Variants in SNX25 observed in about 807,000 individuals in gnomAD.
The protein encoded by SNX25 is sorting nexin-25.
SNX25 carries 62 observed loss-of-function variants against 113.7 expected under a neutral mutation model. The observed-to-expected ratio is 0.55, with a 90% CI of 0.44 to 0.67. The LOEUF is 0.67. SNX25 is among the 30% of genes least tolerant of loss of function. The probability of loss-of-function intolerance (pLI) is 0.00; values close to 1 mark genes in which losing one functional copy is unlikely to be tolerated. For synonymous variants in SNX25, 421 were observed against 436.2 expected (o/e 0.97, Z 0.43); for missense variants, 1,014 against 1,161.0 (o/e 0.87, Z 1.84).
intron 11 of SNX25, 116 bp from the exon 12 acceptor site, chr4:185,341,860 A>G: frequency 9.7e-7 from 1 of 1,032,654 alleles, no homozygotes; most frequent in Non-Finnish European, 1.4e-6. Flanking sequence ...AGTTCCAGGG[A>G]TCCTGCAAGG....
intron 5 of SNX25, among the ~76,000 whole-genome samples, chr4:185,282,444 C>T (rs1419194216): frequency 6.6e-6 from 1 of 152,210 alleles, no homozygotes; most frequent in East Asian, 1.9e-4. Flanking sequence ...GCTGGGATTA[C>T]AGGCATGAGC....
intron 6 of SNX25, among the ~76,000 whole-genome samples, chr4:185,308,460 A>C (rs965728): frequency 0.028 from 4,314 of 152,268 alleles, 180 homozygotes; most frequent in African/African-American, 0.094. Context: ...GATTTGGTGG[A>C]GGGAGCGTTA....
At chr4:185,228,478 A>C (rs1741343045) in intron 1 of SNX25, among the ~76,000 whole-genome samples, 1 of 151,894 alleles carries the variant, frequency 6.6e-6, no homozygotes, top group African/African-American at 2.4e-5. Context: ...GGTAAGCGGG[A>C]GACGAAATTA....
At chr4:185,299,678 TGGTC>T (rs1753358449) in intron 6 of SNX25, among the ~76,000 whole-genome samples, 1 of 152,186 alleles carries the variant, frequency 6.6e-6, no homozygotes, top group African/African-American at 2.4e-5. Flanking sequence ...AGTTGAGAAA[TGGTC>T]TATTAAAATA....
chr4:185,350,802 C>T lies in SNX25; in HGVS notation c.2302-643C>T, dbSNP rs540376801. ...GCTGGAACCCAGGAGGCAGAAGTTGCGGTGAGCCAAGATGGCGCCACTGCA... is the reference window on the plus strand; with the variant it reads ...GCTGGAACCCAGGAGGCAGAAGTTGTGGTGAGCCAAGATGGCGCCACTGCA... On this transcript the variant is annotated intron_variant, in intron 13 of 18. Coordinates refer to ENST00000652585, the MANE Select transcript of SNX25 (RefSeq NM_001378034.2). 9.9e-5 allele frequency among the ~76,000 whole-genome samples: 15 copies of T among 152,260 alleles called. No individual in the cohort carries two copies. The East Asian group carries it at 1.5e-3, about 16-fold the overall frequency.
the SNX25 span, chr4:185,376,792 T>C: frequency 2.9e-6 from 2 of 678,922 alleles, no homozygotes; most frequent in African/African-American, 1.8e-5. Flanking sequence ...CCATAGTCGA[T>C]GTAATTGGAC....
chr4:185,244,075 G>A (rs529828742), intron 1 of SNX25, among the ~76,000 whole-genome samples: 3 of 152,152 alleles, frequency 2.0e-5, no homozygotes, highest in South Asian at 2.1e-4. Flanking sequence ...CTGGGTCACC[G>A]CAGCCTGCAT....
rs909982215 is a variant in SNX25 at position 185,297,577 on chromosome 4, C to A, written c.1162+9495C>A. ...TGTCTCAGTCAATTCAGGCTGCTGT[C>A]ACAAAATGCCACAGACTGGGTGGCT... On this transcript the variant is annotated intron_variant, in intron 6 of 18. Coordinates refer to ENST00000652585, the MANE Select transcript of SNX25 (RefSeq NM_001378034.2). Among the ~76,000 whole-genome samples the A allele has an allele frequency of 2.6e-5, 4 of 152,316 alleles. No individual in the cohort carries two copies. In the East Asian group the frequency reaches 7.7e-4, roughly 29 times the overall value.
At chr4:185,254,531 T>C (rs1746121345) in intron 2 of SNX25, among the ~76,000 whole-genome samples, 1 of 152,214 alleles carries the variant, frequency 6.6e-6, no homozygotes, top group South Asian at 2.1e-4. Flanking sequence ...GAAGCTCTCT[T>C]TCTTATACTG....
At chr4:185,326,306 C>T (rs1333606996) in intron 9 of SNX25, among the ~76,000 whole-genome samples, 5 of 152,150 alleles carry the variant, frequency 3.3e-5, no homozygotes, top group Non-Finnish European at 1.5e-5. Context: ...AACATTTTAG[C>T]TATTCAAGAG....
At chr4:185,367,901 C>T (rs1236785224), downstream of SNX25, among the ~76,000 whole-genome samples, 5 of 152,116 alleles carry the variant, frequency 3.3e-5, no homozygotes, top group African/African-American at 7.2e-5. Flanking sequence ...CCCTTATGGC[C>T]GGGCGCGGTA....
At chr4:185,282,936 T>C (rs2692596) in intron 5 of SNX25, among the ~76,000 whole-genome samples, 92,872 of 152,038 alleles carry the variant, frequency 0.61, 28,693 homozygotes, top group East Asian at 0.77. Flanking sequence ...CGTGTCCTCA[T>C]GGATAGCCAG....
chr4:185,358,439 A>G (rs1360774444), intron 16 of SNX25, among the ~76,000 whole-genome samples: 1 of 152,244 alleles, frequency 6.6e-6, no homozygotes, highest in East Asian at 1.9e-4. Flanking sequence ...CTCAATTAAT[A>G]TAGTCAATTA....
rs758092952 is a variant in SNX25, at chr4:185,277,720, C to CTTTTTTTT, written c.1092-10269_1092-10262dup. ...ATGATGAGTTTTGAGTACTTATTAC[C>CTTTTTTTT]TTTTTTTTTTTTTTTTTTTTTTTTT... On this transcript the variant is annotated intron_variant, in intron 5 of 18. Transcript: ENST00000652585. Among the ~76,000 whole-genome samples, 57 of 63,504 alleles carry CTTTTTTTT rather than the reference C, an allele frequency of 9.0e-4. 11 individuals are homozygous for CTTTTTTTT. Among genetic ancestry groups the CTTTTTTTT allele is most frequent in the East Asian group, 3.5e-3 (5 of 1,434 alleles). 41.7% of individuals were successfully genotyped at this position (63,504 alleles called of 152,430 possible). A position where few individuals can be genotyped will look rare whatever the true frequency, so the allele number is the denominator to read the frequency against.
At chr4:185,288,520 G>A (rs2126610837) in intron 6 of SNX25, among the ~76,000 whole-genome samples, 1 of 145,876 alleles carries the variant, frequency 6.9e-6, no homozygotes. Flanking sequence ...TTTTTTTTAA[G>A]GAATTATAAA....
intron 15 of SNX25, 56 bp downstream of exon 15, chr4:185,353,658 C>A: frequency 1.6e-6 from 2 of 1,279,286 alleles, no homozygotes; most frequent in Non-Finnish European, 2.3e-6. Context: ...TATATATAAT[C>A]GTACATTCAC....
intron 11 of SNX25, among the ~76,000 whole-genome samples, chr4:185,340,857 T>A (rs1022660799): frequency 6.6e-6 from 1 of 152,146 alleles, no homozygotes; most frequent in Non-Finnish European, 1.5e-5. Context: ...AAGGGGCACC[T>A]GACGTCTAGA....
chr4:185,377,151 T>G, the SNX25 span: 3 of 682,062 alleles, frequency 4.4e-6, no homozygotes, highest in Admixed American at 2.4e-5. Context: ...ACAACTGGCC[T>G]CCTTAGCTCA....
At chr4:185,350,826 C>T (rs1356390481) in intron 13 of SNX25, among the ~76,000 whole-genome samples, 1 of 152,086 alleles carries the variant, frequency 6.6e-6, no homozygotes, top group Non-Finnish European at 1.5e-5. Flanking sequence ...GGCGCCACTG[C>T]ACGACATCCT....
Sources: allele counts gnomAD v4.1 joint callset (sites outside exome capture counted in the v4.1 genomes callset), GRCh38; gene constraint gnomAD v4.1.1; transcripts MANE v1.5; gene names NCBI Gene and HGNC (gene_info 2026-07-23, HGNC 2026-07-21).